Variants in RUNX2 observed in about 807,000 individuals in gnomAD.
RUNX2 encodes the protein RUNX family transcription factor 2.
RUNX2 carries 10 observed loss-of-function variants against 51.7 expected under a neutral mutation model. The ratio of observed to expected loss-of-function variants is 0.19; its 90% CI spans 0.12 to 0.33. The LOEUF is 0.33. RUNX2 is among the 10% of genes least tolerant of loss of function. RUNX2 has a pLI of 1.00. For missense variants in RUNX2, 562 were observed against 691.3 expected, an observed-to-expected ratio of 0.81 and a Z score of 2.10; for synonymous variants, 276 against 273.6, an observed-to-expected ratio of 1.01 and a Z score of -0.09.
At chr6:45,473,146 CT>C (rs1355033805) in intron 5 of RUNX2, among the ~76,000 whole-genome samples, 1 of 152,154 alleles carries the variant, frequency 6.6e-6, no homozygotes, top group Non-Finnish European at 1.5e-5. Flanking sequence ...GTTGTTCAGC[CT>C]TTGCGCTGAA....
At chr6:45,494,228 G>A (rs1800574411) in intron 6 of RUNX2, among the ~76,000 whole-genome samples, 1 of 152,216 alleles carries the variant, frequency 6.6e-6, no homozygotes, top group Non-Finnish European at 1.5e-5. Context: ...TGAGCAGATC[G>A]AGAGTGTGGC....
intron 7 of RUNX2, among the ~76,000 whole-genome samples, chr6:45,536,497 C>T (rs1483572725): frequency 6.6e-6 from 1 of 152,178 alleles, no homozygotes; most frequent in African/African-American, 2.4e-5. Flanking sequence ...TGCTTTAAGG[C>T]CCAGGATGGC....
At chr6:45,519,790 A>ATATGTG (rs1554398519) in intron 7 of RUNX2, among the ~76,000 whole-genome samples, 4 of 124,086 alleles carry the variant, frequency 3.2e-5, no homozygotes, top group Admixed American at 1.7e-4. Flanking sequence ...ATATATATAT[A>ATATGTG]TGTGTGTGTG....
In RUNX2 at chr6:45,411,483, T is replaced by C. The variant is rs562764589; in HGVS notation, c.59-11110T>C. Among the ~76,000 whole-genome samples, 76 of 152,358 alleles carry C rather than the reference T, an allele frequency of 5.0e-4. 1 individual carries two copies. Among genetic ancestry groups the C allele is most frequent in the African/African-American group, 1.8e-3 (75 of 41,584 alleles). On this transcript the variant is annotated intron_variant, in intron 2 of 8. Transcript: ENST00000647337. ...TAGAGGGAATTTTTATGGTTGAGTT[T>C]GTAAATGCTAGCAAAACAAAGTTGA... is the stretch of plus-strand genomic sequence containing the variant.
At position 45,422,717 on chromosome 6, in the gene RUNX2, G is replaced by A. The variant is rs1681661978; in HGVS notation, c.183G>A (p.Gln61=). 6 of 1,593,654 alleles carry A rather than the reference G, an allele frequency of 3.8e-6. No homozygotes were observed. Among genetic ancestry groups the A allele is most frequent in the East Asian group, 2.4e-5 (1 of 42,428 alleles). Residue 61 remains glutamine (Q), a synonymous_variant, in exon 3 of 9, where the codon CAG becomes CAA. Coordinates refer to ENST00000647337, the MANE Select transcript of RUNX2 (RefSeq NM_001024630.4). ...QQQQQQQQQQ[Q]QQQQQQQQQQ... ...AACAGCAGCAGCAGCAACAGCAGCA[G>A]CAGCAGCAGCAACAGCAGCAGCAGC...
chr6:45,495,144 C>T (rs1800609880), intron 6 of RUNX2, among the ~76,000 whole-genome samples: 2 of 152,214 alleles, frequency 1.3e-5, no homozygotes, highest in South Asian at 2.1e-4. Flanking sequence ...TTAAGATTGC[C>T]TTCTTTTAAG....
At chr6:45,353,801 T>C (rs1046645449) in intron 2 of RUNX2, among the ~76,000 whole-genome samples, 1 of 150,974 alleles carries the variant, frequency 6.6e-6, no homozygotes, top group African/African-American at 2.4e-5. Flanking sequence ...AATCACTATA[T>C]ACAAACCTTA....
intron 2 of RUNX2, among the ~76,000 whole-genome samples, chr6:45,349,282 T>C (rs1264779662): frequency 6.6e-6 from 1 of 152,190 alleles, no homozygotes; most frequent in Non-Finnish European, 1.5e-5. Context: ...ATTTAATGAG[T>C]CCACTAAAAT....
Position 45,328,382 on chromosome 6 carries a change from G to A in RUNX2, c.-145G>A. 2.2e-6 allele frequency: 3 copies of A among 1,394,558 alleles called. No homozygotes were observed. The highest frequency in any genetic ancestry group is 2.9e-6 in the Non-Finnish European group (3 of 1,040,506). The allele number at this position is 1,394,558 out of a possible 1,614,324, so 86.4% of individuals were successfully genotyped here. On this transcript the variant is annotated 5_prime_UTR_variant, in exon 1 of 9. Coordinates refer to ENST00000647337, the MANE Select transcript of RUNX2 (RefSeq NM_001024630.4). ...ACAAGTGCGGTGCAAACTTTCTCCA[G>A]GAGGACAGCAAGAAGTCTCTGGTTT...
Position 45,415,170 on chromosome 6 carries a change from T to C in RUNX2, c.59-7423T>C, listed in dbSNP as rs192735360. Among the ~76,000 whole-genome samples the C allele has an allele frequency of 2.2e-4, 34 of 152,092 alleles. 1 individual carries two copies. Among genetic ancestry groups the C allele is most frequent in the Non-Finnish European group, 4.4e-4 (30 of 68,014 alleles). On this transcript the variant is annotated intron_variant, in intron 2 of 8. Coordinates refer to ENST00000647337, the MANE Select transcript of RUNX2 (RefSeq NM_001024630.4). Reference sequence around the variant, plus strand: ...CCTTAGCATATCAGTCTAAGTCCAATGAGGACAGAGAAACCATATAGTAAT... The same window carrying C: ...CCTTAGCATATCAGTCTAAGTCCAACGAGGACAGAGAAACCATATAGTAAT...
intron 7 of RUNX2, among the ~76,000 whole-genome samples, chr6:45,543,000 G>A (rs958118406): frequency 1.3e-5 from 2 of 152,184 alleles, no homozygotes; most frequent in Non-Finnish European, 2.9e-5. Context: ...GCATAAAGGA[G>A]TATTTGAGTA....
intron 6 of RUNX2, among the ~76,000 whole-genome samples, chr6:45,503,852 T>A (rs1427317039): frequency 2.0e-5 from 3 of 152,238 alleles, no homozygotes; most frequent in African/African-American, 7.2e-5. Flanking sequence ...GTTTTTCTTT[T>A]AACATTTTAT....
intron 5 of RUNX2, among the ~76,000 whole-genome samples, chr6:45,490,492 G>T (rs1237315110): frequency 6.6e-6 from 1 of 152,086 alleles, no homozygotes; most frequent in African/African-American, 2.4e-5. Flanking sequence ...GGCTGGGAAG[G>T]CAATGAAAAA....
chr6:45,445,610 CTGTCT>C (rs1798971629), intron 5 of RUNX2, among the ~76,000 whole-genome samples: 2 of 152,174 alleles, frequency 1.3e-5, no homozygotes, highest in African/African-American at 4.8e-5. Flanking sequence ...GGGTTCTTCA[CTGTCT>C]CCGAAGTGCC....
At chr6:45,427,640 A>C (rs1324216976) in intron 3 of RUNX2, among the ~76,000 whole-genome samples, 2 of 152,162 alleles carry the variant, frequency 1.3e-5, no homozygotes, top group Admixed American at 1.3e-4. Flanking sequence ...AAAAATAATT[A>C]TATTTCAATT....
rs1017898446 is a variant in RUNX2, at chr6:45,549,686, C to A, written c.*2381C>A. 1 of 268,866 alleles carries A rather than the reference C, an allele frequency of 3.7e-6. No individual in the cohort carries two copies. Among genetic ancestry groups the A allele is most frequent in the Admixed American group, 5.3e-5 (1 of 18,754 alleles). The allele number at this position is 268,866 out of a possible 1,614,324, so 16.7% of individuals were successfully genotyped here. Reference sequence around the variant, plus strand: ...TAATTAATTGACATAAAAATGCTACCGCCAGTGCCAGCTGCATCCTATTTA... The same window carrying A: ...TAATTAATTGACATAAAAATGCTACAGCCAGTGCCAGCTGCATCCTATTTA... On this transcript the variant is annotated 3_prime_UTR_variant, in exon 9 of 9. Transcript: ENST00000647337.
chr6:45,351,581 A>G (rs1246839524), intron 2 of RUNX2, among the ~76,000 whole-genome samples: 1 of 152,158 alleles, frequency 6.6e-6, no homozygotes, highest in African/African-American at 2.4e-5. Context: ...ATTTTCTGTT[A>G]CATTTTCTGT....
At chr6:45,462,008 GC>G (rs1799491652) in intron 5 of RUNX2, among the ~76,000 whole-genome samples, 2 of 151,856 alleles carry the variant, frequency 1.3e-5, no homozygotes, top group South Asian at 4.2e-4. Context: ...TCAAATATAA[GC>G]CCCCCAGCCA....
At chr6:45,435,675 G>A (rs1367015194) in intron 4 of RUNX2, among the ~76,000 whole-genome samples, 1 of 152,048 alleles carries the variant, frequency 6.6e-6, no homozygotes, top group African/African-American at 2.4e-5. Context: ...TTTCTACCAG[G>A]TTATTTAGAG....
Sources: allele counts gnomAD v4.1 joint callset (sites outside exome capture counted in the v4.1 genomes callset), GRCh38; gene constraint gnomAD v4.1.1; transcripts MANE v1.5; gene names NCBI Gene and HGNC (gene_info 2026-07-23, HGNC 2026-07-21).